TANGO6: variants seen among roughly 807,000 people sequenced by gnomAD.
The protein encoded by TANGO6 is transport and Golgi organization protein 6 homolog.
TANGO6 carries 90 observed loss-of-function variants against 114.2 expected under a neutral mutation model. The observed-to-expected ratio is 0.79, with a 90% confidence interval of 0.66 to 0.94. The LOEUF (loss-of-function observed/expected upper bound fraction) is 0.94. Ranked by LOEUF, TANGO6 falls within the 40% of genes least tolerant of loss-of-function variation. The probability of loss-of-function intolerance (pLI) is 0.00; values close to 1 mark genes in which losing one functional copy is unlikely to be tolerated. For missense variants in TANGO6, 1,274 were observed against 1,315.3 expected (o/e 0.97, Z 0.49); for synonymous variants, 477 against 509.8 (o/e 0.94, Z 0.87).
At chr16:68,872,196 G>A (rs1483070505) in intron 4 of TANGO6, among the ~76,000 whole-genome samples, 3 of 151,816 alleles carry the variant, frequency 2.0e-5, no homozygotes, top group African/African-American at 4.8e-5. Flanking sequence ...ACTTCAGCCT[G>A]GGCGATAGGG....
Position 68,977,481 on chromosome 16 carries a change from C to T in TANGO6, c.2842+3313C>T, listed in dbSNP as rs1367054434. Reference sequence around the variant, plus strand: ...GGCCAAGGCGGGCGGATCATGAGACCGAGACGACGATCAAGAGATCGAGAC... The same window carrying T: ...GGCCAAGGCGGGCGGATCATGAGACTGAGACGACGATCAAGAGATCGAGAC... On this transcript the variant is annotated intron_variant, in intron 15 of 17. Transcript: ENST00000261778. Among the ~76,000 whole-genome samples, 7 of 150,814 alleles carry T rather than the reference C, an allele frequency of 4.6e-5. No individual in the cohort carries two copies. In the East Asian group the frequency reaches 5.9e-4, roughly 13 times the overall value.
intron 17 of TANGO6, among the ~76,000 whole-genome samples, chr16:69,046,507 G>A: frequency 6.6e-6 from 1 of 152,058 alleles, no homozygotes; most frequent in Non-Finnish European, 1.5e-5. Context: ...TAGTAGACAG[G>A]TTTTCACCAT....
chr16:68,906,216 C>T (rs1358001000), intron 9 of TANGO6, among the ~76,000 whole-genome samples: 1 of 152,008 alleles, frequency 6.6e-6, no homozygotes, highest in Non-Finnish European at 1.5e-5. Flanking sequence ...TAGAAATTTT[C>T]GCAGTAACCA....
At chr16:69,037,980 G>A (rs574660406) in intron 16 of TANGO6, among the ~76,000 whole-genome samples, 1 of 152,318 alleles carries the variant, frequency 6.6e-6, no homozygotes, top group South Asian at 2.1e-4. Flanking sequence ...TTCTGCACAA[G>A]CCTATTTCCT....
intron 7 of TANGO6, among the ~76,000 whole-genome samples, chr16:68,897,036 C>T (rs1962715224): frequency 6.6e-6 from 1 of 151,632 alleles, no homozygotes; most frequent in Admixed American, 6.6e-5. Flanking sequence ...CCCGAGCAGC[C>T]AGGATTACAG....
chr16:68,888,527 G>C (rs566819043), intron 7 of TANGO6, among the ~76,000 whole-genome samples: 1 of 152,172 alleles, frequency 6.6e-6, no homozygotes, highest in African/African-American at 2.4e-5. Flanking sequence ...AGAAATGTTA[G>C]GGTAGGAAAA....
chr16:68,878,251 C>G lies in TANGO6; in HGVS notation c.1265C>G (p.Ala422Gly), dbSNP rs1962400943. 6.2e-7 allele frequency: 1 copy of G among 1,611,204 alleles called. No homozygotes were observed. Among genetic ancestry groups the G allele is most frequent in the Non-Finnish European group, 8.5e-7 (1 of 1,178,878 alleles). Residue 422 changes from alanine to glycine, a missense_variant, in exon 6 of 18, where the codon GCT becomes GGT. Ala to Gly is a moderately conservative substitution (Grantham distance 60, BLOSUM62 0). This residue lies in a region of TANGO6 where 908 missense variants were observed against 910.2 expected (regional missense o/e 1.00). Coordinates refer to ENST00000261778, the MANE Select transcript of TANGO6 (RefSeq NM_024562.2). ...AAKYLLQPVL[A>G]PLHRCLNTAE... is the part of the protein sequence containing the mutation. Reference sequence around the variant, plus strand: ...AAGTATTTGCTCCAGCCAGTGTTAGCTCCTCTTCATCGATGTTTGAATACA... The same window carrying G: ...AAGTATTTGCTCCAGCCAGTGTTAGGTCCTCTTCATCGATGTTTGAATACA...
At chr16:68,915,173 C>CAAAA (rs1165497927) in intron 11 of TANGO6, among the ~76,000 whole-genome samples, 1 of 73,834 alleles carries the variant, frequency 1.4e-5, no homozygotes, top group Admixed American at 1.5e-4. Context: ...AACTCTGTCT[C>CAAAA]AAAAAAAAAA....
At chr16:69,009,430 A>T (rs1181798767) in intron 15 of TANGO6, among the ~76,000 whole-genome samples, 1 of 152,100 alleles carries the variant, frequency 6.6e-6, no homozygotes, top group Non-Finnish European at 1.5e-5. Context: ...TTTACCTATT[A>T]TTAGGCCGGT....
intron 7 of TANGO6, among the ~76,000 whole-genome samples, chr16:68,891,478 A>G (rs1195886074): frequency 6.6e-6 from 1 of 152,136 alleles, no homozygotes; most frequent in Non-Finnish European, 1.5e-5. Flanking sequence ...AAAAAAAAGA[A>G]AGAAAGAAAT....
At chr16:69,074,624 G>A (rs1960344750) in intron 17 of TANGO6, among the ~76,000 whole-genome samples, 1 of 151,788 alleles carries the variant, frequency 6.6e-6, no homozygotes, top group African/African-American at 2.4e-5. Context: ...TCCAGATATC[G>A]GGATATCTGG....
intron 2 of TANGO6, among the ~76,000 whole-genome samples, chr16:68,861,461 C>T (rs902203581): frequency 6.6e-6 from 1 of 152,148 alleles, no homozygotes. Context: ...ATTCTGAGCT[C>T]CCTGGGGCCT....
chr16:68,879,376 G>A (rs529844137), intron 6 of TANGO6, among the ~76,000 whole-genome samples: 16 of 152,038 alleles, frequency 1.1e-4, no homozygotes, highest in South Asian at 2.1e-4. Context: ...CCAGCTGCTC[G>A]GGAAGCTGAG....
At chr16:69,044,791 G>A (rs906520532) in intron 17 of TANGO6, among the ~76,000 whole-genome samples, 3 of 152,134 alleles carry the variant, frequency 2.0e-5, no homozygotes, top group Admixed American at 6.6e-5. Context: ...GCTGAGGCAC[G>A]AGATTGCTTG....
chr16:69,043,433 A>G (rs1386756563), intron 17 of TANGO6, among the ~76,000 whole-genome samples: 2 of 152,128 alleles, frequency 1.3e-5, no homozygotes, highest in Non-Finnish European at 2.9e-5. Flanking sequence ...TCTCACCAGT[A>G]CTAAAATAAT....
At chr16:68,909,855 A>C (rs1438443830) in intron 11 of TANGO6, among the ~76,000 whole-genome samples, 1 of 152,170 alleles carries the variant, frequency 6.6e-6, no homozygotes, top group Non-Finnish European at 1.5e-5. Flanking sequence ...ACTCAACTTG[A>C]AGAAATCACT....
At chr16:69,028,548 G>A (rs1001228720) in intron 16 of TANGO6, among the ~76,000 whole-genome samples, 11 of 151,960 alleles carry the variant, frequency 7.2e-5, no homozygotes, top group African/African-American at 1.4e-4. Flanking sequence ...CAGGAGAATC[G>A]CTTGAACACG....
chr16:68,914,223 G>A (rs1187947895), intron 11 of TANGO6, among the ~76,000 whole-genome samples: 3 of 152,220 alleles, frequency 2.0e-5, no homozygotes, highest in South Asian at 2.1e-4. Flanking sequence ...GTGCAATGGC[G>A]TGATCTCGGC....
chr16:69,013,202 G>C (rs949171290), intron 15 of TANGO6, among the ~76,000 whole-genome samples: 3 of 151,872 alleles, frequency 2.0e-5, no homozygotes, highest in African/African-American at 7.3e-5. Flanking sequence ...TGATATTATA[G>C]GAGTCATGCT....
Sources: allele counts gnomAD v4.1 joint callset (sites outside exome capture counted in the v4.1 genomes callset), GRCh38; gene constraint gnomAD v4.1.1; regional missense constraint gnomAD v4.1.1; transcripts MANE v1.5; gene names NCBI Gene and HGNC (gene_info 2026-07-23, HGNC 2026-07-21).